Variants in TP63 observed in about 807,000 individuals in gnomAD.
The protein encoded by TP63 is tumor protein p63.
In TP63, 17 loss-of-function variants were observed where a neutral mutation model predicts 82.8. That is an observed-to-expected ratio of 0.21 (90% confidence interval 0.14 to 0.31). The LOEUF (loss-of-function observed/expected upper bound fraction) is 0.31. Among genes scored for constraint, TP63 ranks in the 10% least tolerant of loss-of-function variants. The probability of loss-of-function intolerance (pLI) is 1.00; values close to 1 mark genes in which losing one functional copy is unlikely to be tolerated. For missense variants in TP63, 648 were observed against 895.3 expected (o/e 0.72, Z 3.52); for synonymous variants, 330 against 321.7 (o/e 1.03, Z -0.28).
At chr3:189,766,411 A>C (rs79004785) in intron 3 of TP63, among the ~76,000 whole-genome samples, 2,911 of 148,360 alleles carry the variant, frequency 0.02, 77 homozygotes, top group African/African-American at 0.065. Flanking sequence ...AATACTTCCT[A>C]ATCAGGTTTT....
intron 1 of TP63, among the ~76,000 whole-genome samples, chr3:189,715,493 A>G (rs556872772): frequency 6.2e-4 from 95 of 152,316 alleles, no homozygotes; most frequent in East Asian, 1.5e-3. Flanking sequence ...TCCTTGATAT[A>G]AACATTAAGA....
intron 3 of TP63, among the ~76,000 whole-genome samples, chr3:189,742,672 C>A (rs1319317556): frequency 6.6e-6 from 1 of 152,330 alleles, no homozygotes; most frequent in South Asian, 2.1e-4. Context: ...ATATATATTT[C>A]AAGCACATAC....
intron 10 of TP63, chr3:189,880,242 T>C: frequency 1.9e-6 from 3 of 1,550,838 alleles, no homozygotes; most frequent in Non-Finnish European, 2.6e-6. Context: ...AGTGTGTGTG[T>C]GTGTATGTGT....
chr3:189,746,317 G>C (rs918618347), intron 3 of TP63, among the ~76,000 whole-genome samples: 2 of 151,696 alleles, frequency 1.3e-5, no homozygotes, highest in South Asian at 4.2e-4. Flanking sequence ...ACTCAGCAAA[G>C]TTATCCTTCA....
At position 189,889,362 on chromosome 3, in the gene TP63, G is replaced by A. The variant is rs200578530; in HGVS notation, c.1530G>A (p.Met510Ile). 1 of 1,614,108 alleles carries A rather than the reference G, an allele frequency of 6.2e-7. No homozygotes were observed. Among genetic ancestry groups the A allele is most frequent in the Admixed American group, 1.7e-5 (1 of 60,026 alleles). ...GANIPMMGTH[M>I]PMAGDMNGLS... Reference sequence around the variant, plus strand: ...CAGTTCCCATGATGGGCACCCACATGCCAATGGCTGGAGACATGAATGGAC... The same window carrying A: ...CAGTTCCCATGATGGGCACCCACATACCAATGGCTGGAGACATGAATGGAC... The change falls in exon 12 of 14, where the codon ATG becomes ATA. Residue 510 changes from methionine to isoleucine, a missense_variant. Met to Ile is a conservative substitution (Grantham distance 10). Coordinates refer to ENST00000264731, the MANE Select transcript of TP63 (RefSeq NM_003722.5).
intron 3 of TP63, among the ~76,000 whole-genome samples, chr3:189,805,361 A>G (rs1726770802): frequency 6.6e-6 from 1 of 152,186 alleles, no homozygotes; most frequent in African/African-American, 2.4e-5. Flanking sequence ...TGGCCTCTGT[A>G]TTTTCTGCTG....
At chr3:189,653,799 T>C (rs1372667554) in intron 1 of TP63, among the ~76,000 whole-genome samples, 1 of 152,204 alleles carries the variant, frequency 6.6e-6, no homozygotes, top group African/African-American at 2.4e-5. Context: ...TCACAAACCA[T>C]ATTTAACTTA....
intron 1 of TP63, among the ~76,000 whole-genome samples, chr3:189,637,860 A>G (rs1338557937): frequency 6.6e-6 from 1 of 152,144 alleles, no homozygotes; most frequent in African/African-American, 2.4e-5. Context: ...AGTAGGTGGA[A>G]TAACTCGTAT....
chr3:189,735,420 A>G (rs1357749258), intron 1 of TP63, among the ~76,000 whole-genome samples: 1 of 152,160 alleles, frequency 6.6e-6, no homozygotes, highest in Admixed American at 6.5e-5. Context: ...GCTAAAATGC[A>G]GTTTATCATC....
intron 1 of TP63, among the ~76,000 whole-genome samples, chr3:189,644,232 C>A (rs913723528): frequency 6.6e-6 from 1 of 151,150 alleles, no homozygotes; most frequent in African/African-American, 2.4e-5. Flanking sequence ...CCAGCTTGCA[C>A]CAAGTCCCTT....
At chr3:189,785,478 A>G (rs7637498) in intron 3 of TP63, among the ~76,000 whole-genome samples, 18,720 of 152,074 alleles carry the variant, frequency 0.12, 1,245 homozygotes, top group East Asian at 0.32. Context: ...GCTTTTATTT[A>G]TATTCATATA....
intron 1 of TP63, among the ~76,000 whole-genome samples, chr3:189,651,671 A>C (rs1177516307): frequency 6.8e-6 from 1 of 146,684 alleles, no homozygotes; most frequent in Non-Finnish European, 1.5e-5. Flanking sequence ...ACAATGGGGA[A>C]AATGTCTCCA....
intron 4 of TP63, among the ~76,000 whole-genome samples, chr3:189,829,457 G>A (rs1407794953): frequency 6.6e-6 from 1 of 152,182 alleles, no homozygotes; most frequent in Non-Finnish European, 1.5e-5. Flanking sequence ...TGGATTATTT[G>A]TCTCAGATCT....
At position 189,853,416 on chromosome 3, in the gene TP63, T is replaced by C. The variant is rs144289046; in HGVS notation, c.580-10816T>C. Among the ~76,000 whole-genome samples the C allele has an allele frequency of 3.1e-3, 472 of 152,310 alleles. 5 individuals carry two copies. The highest frequency in any genetic ancestry group is 0.027 in the South Asian group (129 of 4,818). ...TACCACTGCAGGCTTTGCTTACTTT[T>C]CTGCAGGTGCACTGGCCTCCATGGC... On this transcript the variant is annotated intron_variant, in intron 4 of 13. Coordinates refer to ENST00000264731, the MANE Select transcript of TP63 (RefSeq NM_003722.5).
At chr3:189,715,604 C>G (rs1412651106) in intron 1 of TP63, among the ~76,000 whole-genome samples, 4 of 152,188 alleles carry the variant, frequency 2.6e-5, no homozygotes, top group Non-Finnish European at 2.9e-5. Flanking sequence ...GGTTGTGAGT[C>G]TGAAACCGTC....
the TP63 span, among the ~76,000 whole-genome samples, chr3:189,620,295 C>T: frequency 3.3e-5 from 5 of 151,984 alleles, no homozygotes; most frequent in South Asian, 2.1e-4. Context: ...GAGGCCAAGG[C>T]GGGCAGACCA....
intron 3 of TP63, among the ~76,000 whole-genome samples, chr3:189,751,152 T>C (rs947569481): frequency 2.0e-5 from 3 of 152,230 alleles, no homozygotes; most frequent in Admixed American, 2.0e-4. Flanking sequence ...CATGAACTTA[T>C]CCTTTTTTAT....
chr3:189,600,446 G>T, the TP63 span, among the ~76,000 whole-genome samples: 1 of 152,106 alleles, frequency 6.6e-6, no homozygotes, highest in East Asian at 1.9e-4. Flanking sequence ...TATTGCAATG[G>T]CCTTAAGAGA....
chr3:189,755,020 C>T (rs1722086495), intron 3 of TP63, among the ~76,000 whole-genome samples: 1 of 152,130 alleles, frequency 6.6e-6, no homozygotes. Flanking sequence ...GGGATTTGTA[C>T]TCAGACACAC....
Sources: allele counts gnomAD v4.1 joint callset (sites outside exome capture counted in the v4.1 genomes callset), GRCh38; gene constraint gnomAD v4.1.1; transcripts MANE v1.5; gene names NCBI Gene and HGNC (gene_info 2026-07-23, HGNC 2026-07-21).